The following NRCAM variants were observed in gnomAD, a reference collection of about 807,000 sequenced individuals.
NRCAM encodes neuronal cell adhesion molecule, also known as NgCAM-related cell adhesion molecule.
NRCAM carries 83 observed loss-of-function variants against 156.5 expected under a neutral mutation model. That is an observed-to-expected ratio of 0.53 (90% CI 0.44 to 0.64). The LOEUF is 0.64. Ranked by LOEUF, NRCAM falls within the 30% of genes least tolerant of loss-of-function variation. The probability of loss-of-function intolerance (pLI) is 0.00; values close to 1 mark genes in which losing one functional copy is unlikely to be tolerated. For missense variants in NRCAM, 1,417 were observed against 1,597.3 expected, an observed-to-expected ratio of 0.89 and a Z score of 1.92; for synonymous variants, 538 against 563.9, an observed-to-expected ratio of 0.95 and a Z score of 0.65.
chr7:108,376,772 C>G (rs1468184371), intron 2 of NRCAM, among the ~76,000 whole-genome samples: 1 of 152,166 alleles, frequency 6.6e-6, no homozygotes, highest in Non-Finnish European at 1.5e-5. Flanking sequence ...AAGCAAAAGT[C>G]AGTCATTACA....
At chr7:108,255,974 G>A (rs867056858) in intron 3 of NRCAM, among the ~76,000 whole-genome samples, 474 of 39,602 alleles carry the variant, frequency 0.012, no homozygotes, top group African/African-American at 0.037. Flanking sequence ...GGCAGCCCCC[G>A]CCCGGCCAGC....
chr7:108,350,354 A>G lies in NRCAM; in HGVS notation c.-173-37623T>C, dbSNP rs113488344. The stretch of plus-strand genomic sequence containing the variant: ...AGTGATGGCTTCCTTCTCTGTAAGT[A>G]TCTGTGACTCTTTACTCATCAGGTT... On this transcript the variant is annotated intron_variant, in intron 2 of 32. Transcript: ENST00000379028. Among the ~76,000 whole-genome samples, 944 of 152,268 alleles carry G rather than the reference A, an allele frequency of 6.2e-3. 6 individuals carry two copies. Among genetic ancestry groups the G allele is most frequent in the African/African-American group, 0.022 (897 of 41,554 alleles).
chr7:108,309,951 AATT>A (rs1470057511), intron 3 of NRCAM, among the ~76,000 whole-genome samples: 1 of 152,190 alleles, frequency 6.6e-6, no homozygotes, highest in Non-Finnish European at 1.5e-5. Flanking sequence ...AAATCAACTT[AATT>A]ATAAGATAAA....
intron 1 of NRCAM, among the ~76,000 whole-genome samples, chr7:108,403,108 A>T (rs144032224): frequency 7.2e-5 from 11 of 152,338 alleles, no homozygotes; most frequent in Non-Finnish European, 1.3e-4. Flanking sequence ...CCAAATTCAT[A>T]CAGACTAAGA....
intron 3 of NRCAM, among the ~76,000 whole-genome samples, chr7:108,259,283 C>G (rs561501963): frequency 3.6e-4 from 55 of 152,276 alleles, no homozygotes; most frequent in African/African-American, 1.3e-3. Flanking sequence ...TACAAATTTG[C>G]TAAATGAACT....
In NRCAM at chr7:108,166,962, G is replaced by A. The variant is rs761428000; in HGVS notation, c.3425C>T (p.Ser1142Phe). Residue 1142 changes from serine to phenylalanine, a missense_variant, in exon 30 of 33, where the codon TCT becomes TTT. By Grantham distance (155) the Ser-to-Phe change is radical. This residue lies in a region of NRCAM where 179 missense variants were observed against 260.9 expected (regional missense o/e 0.69). Coordinates refer to ENST00000379028, the MANE Select transcript of NRCAM (RefSeq NM_001037132.4). ...CACATCCTCTGAACTCACAAAACCA[G>A]AGTCCCCCACAGCACCAACTCGAAC... ...YKVRVGAVGDSGFVSSEDVFE... is the reference protein window; with the variant it reads ...YKVRVGAVGDFGFVSSEDVFE... 1 of 1,613,906 alleles carries A rather than the reference G, an allele frequency of 6.2e-7. No homozygotes were observed. Among genetic ancestry groups the A allele is most frequent in the Non-Finnish European group, 8.5e-7 (1 of 1,179,884 alleles).
intron 3 of NRCAM, among the ~76,000 whole-genome samples, chr7:108,297,918 T>C (rs1158197495): frequency 6.6e-6 from 1 of 152,108 alleles, no homozygotes; most frequent in African/African-American, 2.4e-5. Context: ...TATGGGGATA[T>C]GTGCAGGAAG....
chr7:108,307,507 T>C (rs183115679), intron 3 of NRCAM, among the ~76,000 whole-genome samples: 367 of 152,318 alleles, frequency 2.4e-3, no homozygotes, highest in Middle Eastern at 3.4e-3. Flanking sequence ...GAACTTGCTT[T>C]CTGCAACAGT....
In NRCAM at chr7:108,182,892, G is replaced by A; in HGVS notation, c.2333C>T (p.Pro778Leu). The A allele has an allele frequency of 6.2e-7, 1 of 1,614,150 alleles. No individual in the cohort carries two copies. Among genetic ancestry groups the A allele is most frequent in the Non-Finnish European group, 8.5e-7 (1 of 1,180,026 alleles). Reference sequence around the variant, plus strand: ...CCAGCTAACTTTGTACTGAAGGCCTGGCCCATTAGATTCGAAACCATTCAA... The same window carrying A: ...CCAGCTAACTTTGTACTGAAGGCCTAGCCCATTAGATTCGAAACCATTCAA... ...KPLNGFESNG[P>L]GLQYKVSWRQ... The change falls in exon 23 of 33, where the codon CCA becomes CTA. Residue 778 changes from proline to leucine, a missense_variant. This residue lies in a region of NRCAM where 1,238 missense variants were observed against 1,336.4 expected (regional missense o/e 0.93). Transcript: ENST00000379028.
intron 2 of NRCAM, among the ~76,000 whole-genome samples, chr7:108,377,165 G>C (rs1246091692): frequency 1.3e-5 from 2 of 152,062 alleles, no homozygotes; most frequent in Non-Finnish European, 2.9e-5. Context: ...AAAAAAAATT[G>C]AAAGTGAATG....
chr7:108,155,852 A>C (rs530900435), intron 32 of NRCAM, among the ~76,000 whole-genome samples: 2 of 152,244 alleles, frequency 1.3e-5, no homozygotes, highest in South Asian at 4.1e-4. Flanking sequence ...ACGGCAGACA[A>C]ATCATTGGAA....
At chr7:108,213,028 C>T (rs2085568886) in intron 11 of NRCAM, among the ~76,000 whole-genome samples, 2 of 152,206 alleles carry the variant, frequency 1.3e-5, no homozygotes, top group Middle Eastern at 3.4e-3. Flanking sequence ...GAACACCTAT[C>T]AGATTAACAG....
At chr7:108,314,950 CT>C (rs2098879981) in intron 2 of NRCAM, among the ~76,000 whole-genome samples, 1 of 152,084 alleles carries the variant, frequency 6.6e-6, no homozygotes, top group African/African-American at 2.4e-5. Context: ...AACTGGCCTC[CT>C]TAACAATACA....
rs375339108 is a variant in NRCAM at position 108,160,481 on chromosome 7, G to A, written c.3478C>T (p.Arg1160Trp). The A allele has an allele frequency of 1.2e-6, 2 of 1,612,804 alleles. No individual in the cohort carries two copies. The highest frequency in any genetic ancestry group is 8.5e-7 in the Non-Finnish European group (1 of 1,179,384). ...CCCTGAGTTGCAATATCCACCTGCCGGCTTGCCATCGCTGGAAAACAAATC... is the reference window on the plus strand; with the variant it reads ...CCCTGAGTTGCAATATCCACCTGCCAGCTTGCCATCGCTGGAAAACAAATC... ...VFETGPAMASRQVDIATQGWF... is the reference protein window; with the variant it reads ...VFETGPAMASWQVDIATQGWF... Residue 1160 changes from arginine (R) to tryptophan (W), a missense_variant, in exon 31 of 33, where the codon CGG becomes TGG. Arg to Trp is a moderately radical substitution (Grantham distance 101). Coordinates refer to ENST00000379028, the MANE Select transcript of NRCAM (RefSeq NM_001037132.4).
At chr7:108,188,848 A>C (rs2069086332) in intron 20 of NRCAM, among the ~76,000 whole-genome samples, 1 of 151,632 alleles carries the variant, frequency 6.6e-6, no homozygotes, top group Admixed American at 6.6e-5. Context: ...AGGTGCAATA[A>C]ATCAACACAC....
At chr7:108,420,870 A>T (rs550495812) in intron 1 of NRCAM, among the ~76,000 whole-genome samples, 13 of 152,320 alleles carry the variant, frequency 8.5e-5, no homozygotes, top group African/African-American at 1.9e-4. Flanking sequence ...CTTGTGTGTG[A>T]GAGAGAGAAA....
chr7:108,191,286 A>G lies in NRCAM; in HGVS notation c.1904-3T>C. 1 of 1,598,414 alleles carries G rather than the reference A, an allele frequency of 6.3e-7. No homozygotes were observed. ...GGGAGCTGGAGTTGGAGTAGGAGCT[A>G]GAAAGGACATTAATATAAAGGATTT... is the stretch of plus-strand genomic sequence containing the variant. On this transcript the variant is annotated splice_polypyrimidine_tract_variant and splice_region_variant and intron_variant, in intron 18 of 32. Transcript: ENST00000379028.
At chr7:108,334,712 G>A (rs1001834566) in intron 2 of NRCAM, among the ~76,000 whole-genome samples, 8 of 152,152 alleles carry the variant, frequency 5.3e-5, no homozygotes, top group Admixed American at 1.3e-4. Flanking sequence ...ACTGGACAGC[G>A]TGTGCCTGTG....
At chr7:108,226,565 C>T (rs1488589377) in intron 8 of NRCAM, among the ~76,000 whole-genome samples, 187 bp from the exon 9 acceptor site, 1 of 149,668 alleles carries the variant, frequency 6.7e-6, no homozygotes, top group Non-Finnish European at 1.5e-5. Flanking sequence ...CACACTAAAA[C>T]TCTAACTCTA....
Sources: allele counts gnomAD v4.1 joint callset (sites outside exome capture counted in the v4.1 genomes callset), GRCh38; gene constraint gnomAD v4.1.1; regional missense constraint gnomAD v4.1.1; transcripts MANE v1.5; gene names NCBI Gene and HGNC (gene_info 2026-07-23, HGNC 2026-07-21).